MRPL1: variants seen among roughly 807,000 people sequenced by gnomAD.
MRPL1 encodes large ribosomal subunit protein uL1m.
A neutral mutation model predicts 38.0 loss-of-function variants in MRPL1; 28 were observed. That is an observed-to-expected ratio of 0.74 (90% CI 0.55 to 1.01). The LOEUF (loss-of-function observed/expected upper bound fraction) is 1.01, where lower values mean the gene tolerates loss of function less well. Among genes scored for constraint, MRPL1 ranks in the 50% least tolerant of loss-of-function variants. The probability of loss-of-function intolerance (pLI) is 0.00; values close to 1 mark genes in which losing one functional copy is unlikely to be tolerated. For missense variants in MRPL1, 358 were observed against 389.8 expected, an observed-to-expected ratio of 0.92 and a Z score of 0.69; for synonymous variants, 123 against 126.7, an observed-to-expected ratio of 0.97 and a Z score of 0.20.
At chr4:77,867,696 T>C (rs1476590200) in intron 1 of MRPL1, among the ~76,000 whole-genome samples, 1 of 151,516 alleles carries the variant, frequency 6.6e-6, no homozygotes, top group Non-Finnish European at 1.5e-5. Context: ...GGCTTCCCAG[T>C]GTTGGGATTA....
At chr4:77,910,212 T>A (rs1736254338) in intron 7 of MRPL1, among the ~76,000 whole-genome samples, 1 of 152,220 alleles carries the variant, frequency 6.6e-6, no homozygotes, top group Admixed American at 6.5e-5. Flanking sequence ...GTCTCACAGC[T>A]ACTATGAGGC....
chr4:77,947,422 A>AGTCC (rs1737296555), intron 7 of MRPL1, among the ~76,000 whole-genome samples: 1 of 152,230 alleles, frequency 6.6e-6, no homozygotes, highest in Non-Finnish European at 1.5e-5. Context: ...TGCTTAACAT[A>AGTCC]GTCCTATATC....
chr4:77,949,051 G>A (rs1050634918), intron 7 of MRPL1, among the ~76,000 whole-genome samples: 3 of 152,174 alleles, frequency 2.0e-5, no homozygotes, highest in South Asian at 4.1e-4. Context: ...GATTACAGGC[G>A]TGAGCCACCG....
chr4:77,887,470 A>T (rs1476544664), intron 5 of MRPL1, among the ~76,000 whole-genome samples, 179 bp downstream of exon 5: 1 of 152,164 alleles, frequency 6.6e-6, no homozygotes, highest in African/African-American at 2.4e-5. Context: ...GCTAGGAGAA[A>T]ACTATCCAGA....
At chr4:77,947,651 C>G (rs921574716) in intron 7 of MRPL1, among the ~76,000 whole-genome samples, 6 of 152,186 alleles carry the variant, frequency 3.9e-5, no homozygotes, top group Non-Finnish European at 7.4e-5. Context: ...TGAGTTCTCT[C>G]TAGAACATTG....
intron 6 of MRPL1, among the ~76,000 whole-genome samples, chr4:77,897,059 G>A (rs1369940410): frequency 6.6e-6 from 1 of 151,142 alleles, no homozygotes; most frequent in African/African-American, 2.5e-5. Flanking sequence ...AAAAACACTA[G>A]CGTGAAATAT....
chr4:77,914,754 A>C (rs771619750), intron 7 of MRPL1, among the ~76,000 whole-genome samples: 3 of 151,968 alleles, frequency 2.0e-5, no homozygotes, highest in Non-Finnish European at 4.4e-5. Flanking sequence ...GTTATGACAA[A>C]TTGATATAGA....
intron 1 of MRPL1, among the ~76,000 whole-genome samples, chr4:77,866,816 C>T (rs1169447555): frequency 3.3e-5 from 5 of 150,858 alleles, no homozygotes; most frequent in South Asian, 2.1e-4. Flanking sequence ...GGCGCGATCT[C>T]GGCTCACTGC....
At chr4:77,902,031 A>G (rs1736046829) in intron 6 of MRPL1, among the ~76,000 whole-genome samples, 1 of 152,238 alleles carries the variant, frequency 6.6e-6, no homozygotes, top group Non-Finnish European at 1.5e-5. Flanking sequence ...AACTGAGTTA[A>G]ATTAGAAATC....
At chr4:77,944,742 C>A (rs1737214261) in intron 7 of MRPL1, among the ~76,000 whole-genome samples, 1 of 152,142 alleles carries the variant, frequency 6.6e-6, no homozygotes, top group African/African-American at 2.4e-5. Flanking sequence ...AATGTATATT[C>A]TTTTAGTGTT....
chr4:77,938,224 T>C (rs533772272), intron 7 of MRPL1, among the ~76,000 whole-genome samples: 239 of 152,356 alleles, frequency 1.6e-3, no homozygotes, highest in Non-Finnish European at 8.1e-4. Flanking sequence ...AATGGAAGAA[T>C]TGTGACAGAG....
At chr4:77,886,639 G>A (rs1414894025) in intron 4 of MRPL1, among the ~76,000 whole-genome samples, 3 of 151,792 alleles carry the variant, frequency 2.0e-5, no homozygotes, top group South Asian at 2.1e-4. Context: ...AGCCTGGCAG[G>A]CTAATTTTTA....
intron 5 of MRPL1, among the ~76,000 whole-genome samples, chr4:77,887,949 T>A (rs138094398): frequency 6.6e-6 from 1 of 152,178 alleles, no homozygotes; most frequent in Non-Finnish European, 1.5e-5. Flanking sequence ...TGGTTTTGAA[T>A]GTAAGGTTTA....
chr4:77,927,584 CA>C (rs1736743952), intron 7 of MRPL1, among the ~76,000 whole-genome samples: 2 of 151,958 alleles, frequency 1.3e-5, no homozygotes, highest in East Asian at 1.9e-4. Flanking sequence ...TGTTCTGTTT[CA>C]GTTTAAAAAC....
At chr4:77,952,450 G>A (rs555189547) in intron 8 of MRPL1, 39 bp from the exon 9 acceptor site, 17 of 1,371,324 alleles carry the variant, frequency 1.2e-5, no homozygotes, top group Admixed American at 6.8e-5. Context: ...GTGGTATTGC[G>A]ATATAAAAAT....
intron 4 of MRPL1, 120 bp from the exon 5 acceptor site, chr4:77,887,100 T>G: frequency 1.2e-6 from 1 of 851,522 alleles, no homozygotes; most frequent in Non-Finnish European, 1.9e-6. Context: ...CATTTTCAAT[T>G]AAAAATAAAA....
chr4:77,872,557 C>G (rs1171096696), intron 2 of MRPL1, among the ~76,000 whole-genome samples: 3 of 152,088 alleles, frequency 2.0e-5, no homozygotes, highest in African/African-American at 7.2e-5. Context: ...CGTGGTGAAA[C>G]CCCGTGTCTA....
In MRPL1 at chr4:77,949,834, A is replaced by C; in HGVS notation, c.815A>C (p.Gln272Pro). ...AGTGACCAGATAGCTGCCAATCTGC[A>C]AGCAGTTATTAATGAAGTTTGTAGG... The part of the protein sequence containing the change: ...MSSDQIAANL[Q>P]AVINEVCRHR... The change falls in exon 8 of 9, where the codon CAA (glutamine) becomes CCA (proline). Residue 272 changes from glutamine (Q) to proline (P), a missense_variant. Coordinates refer to ENST00000315567, the MANE Select transcript of MRPL1 (RefSeq NM_020236.4). The C allele has an allele frequency of 6.2e-7, 1 of 1,611,578 alleles. No homozygotes were observed. Among genetic ancestry groups the C allele is most frequent in the African/African-American group, 1.3e-5 (1 of 74,982 alleles).
Position 77,877,852 on chromosome 4 carries a change from T to TA in MRPL1, c.144-5389dup, listed in dbSNP as rs139952220. The stretch of plus-strand genomic sequence containing the variant: ...TTATCTTCTTTCTCCCTTCCATCGT[T>TA]AGACACAGTGCGTGTTTACCTGTGC... On this transcript the variant is annotated intron_variant, in intron 2 of 8. Coordinates refer to ENST00000315567, the MANE Select transcript of MRPL1 (RefSeq NM_020236.4). Among the ~76,000 whole-genome samples the TA allele has an allele frequency of 2.8e-3, 421 of 151,590 alleles. 2 individuals carry two copies. The highest frequency in any genetic ancestry group is 0.014 in the Middle Eastern group (4 of 294).
Sources: gnomAD v4.1 joint callset for allele counts (sites outside exome capture counted in the v4.1 genomes callset) on GRCh38, gnomAD v4.1.1 for gene constraint, MANE v1.5 for transcripts, NCBI Gene and HGNC (gene_info 2026-07-23, HGNC 2026-07-21) for gene names.